MTAP: variants seen among roughly 807,000 people sequenced by gnomAD.
MTAP encodes S-methyl-5'-thioadenosine phosphorylase.
In MTAP, 33 loss-of-function variants were observed where a neutral mutation model predicts 33.6. The observed-to-expected ratio is 0.98, with a 90% confidence interval of 0.74 to 1.31. The LOEUF is 1.31. MTAP is among the 40% of genes most tolerant of loss of function. The probability of loss-of-function intolerance (pLI) is 0.00; values close to 1 mark genes in which losing one functional copy is unlikely to be tolerated. For synonymous variants in MTAP, 148 were observed against 125.7 expected, an observed-to-expected ratio of 1.18 and a Z score of -1.19; for missense variants, 367 against 360.0, an observed-to-expected ratio of 1.02 and a Z score of -0.16.
chr9:21,876,277 C>G (rs986992546), intron 1 of MTAP, among the ~76,000 whole-genome samples: 1 of 151,890 alleles, frequency 6.6e-6, no homozygotes, highest in Admixed American at 6.6e-5. Flanking sequence ...AGATGTTTGT[C>G]AAATGCATAG....
At chr9:21,931,092 T>G (rs1268627930) in exon 2 of MTAP, 1 of 764,050 alleles carries the variant, frequency 1.3e-6, no homozygotes, top group Non-Finnish European at 2.4e-6. Flanking sequence ...ACTCCTAGAC[T>G]TCCCATCAGT....
intron 5 of MTAP, among the ~76,000 whole-genome samples, chr9:21,852,090 G>A (rs1013476621): frequency 2.0e-5 from 3 of 152,216 alleles, no homozygotes; most frequent in African/African-American, 7.2e-5. Context: ...GATGGCATTT[G>A]CAGCAACCTG....
intron 6 of MTAP, among the ~76,000 whole-genome samples, chr9:21,856,432 G>T (rs991402726): frequency 1.3e-5 from 2 of 152,148 alleles, no homozygotes; most frequent in African/African-American, 4.8e-5. Flanking sequence ...ATTACATTAA[G>T]TCACAACATA....
At chr9:21,875,210 G>C (rs139114397) in intron 1 of MTAP, among the ~76,000 whole-genome samples, 4,295 of 152,182 alleles carry the variant, frequency 0.028, 83 homozygotes, top group Non-Finnish European at 0.042. Flanking sequence ...GGATTGCTGG[G>C]TCAAATGGTA....
chr9:21,866,830 A>G lies in MTAP; in HGVS notation c.*4816A>G, dbSNP rs954549957. The G allele has an allele frequency of 3.9e-5, 6 of 152,108 alleles. No homozygotes were observed. The highest frequency in any genetic ancestry group is 1.9e-4 in the East Asian group (1 of 5,196). The allele number at this position is 152,108 out of a possible 1,614,324, so 9.4% of individuals were successfully genotyped here. A position where few individuals can be genotyped will look rare whatever the true frequency, so the allele number is the denominator to read the frequency against. ...AGAATTGACAATATTGAACCTTTCAATCGATGGACATGGTATGTTTCTGCA... is the reference window on the plus strand; with the variant it reads ...AGAATTGACAATATTGAACCTTTCAGTCGATGGACATGGTATGTTTCTGCA... On this transcript the variant is annotated 3_prime_UTR_variant, in exon 8 of 8. Transcript: ENST00000644715.
At chr9:21,921,560 A>G (rs1280019006) in intron 1 of MTAP, among the ~76,000 whole-genome samples, 2 of 152,210 alleles carry the variant, frequency 1.3e-5, no homozygotes. Flanking sequence ...AAAACTGTTC[A>G]TTTATGAAGT....
intron 1 of MTAP, among the ~76,000 whole-genome samples, chr9:21,815,085 A>G (rs1021486199): frequency 6.6e-6 from 1 of 152,180 alleles, no homozygotes; most frequent in Non-Finnish European, 1.5e-5. Context: ...ACTTTCCACT[A>G]CCATACTTGC....
intron 1 of MTAP, among the ~76,000 whole-genome samples, chr9:21,809,302 G>C (rs1387169025): frequency 6.6e-6 from 1 of 152,100 alleles, no homozygotes; most frequent in Non-Finnish European, 1.5e-5. Flanking sequence ...TCTTGGGACA[G>C]GGGCATTGTT....
In MTAP at chr9:21,802,761, A is replaced by G. The variant is rs778857741; in HGVS notation, c.13A>G (p.Thr5Ala). Residue 5 changes from threonine (T) to alanine (A), a missense_variant, in exon 1 of 8, where the codon ACC becomes GCC. Thr to Ala is a moderately conservative substitution (Grantham distance 58). Coordinates refer to ENST00000644715, the MANE Select transcript of MTAP (RefSeq NM_002451.4). MASG[T>A]TTTAVKIGII... is the part of the protein sequence containing the mutation. ...TTCCCGTGCAGACATGGCCTCTGGC[A>G]CCACCACCACCGCCGTGAAGGTGAG... The G allele has an allele frequency of 4.3e-6, 7 of 1,612,200 alleles. No homozygotes were observed. In the Admixed American group the frequency reaches 1.2e-4, roughly 27 times the overall value.
chr9:21,929,681 C>G (rs1473669429), intron 1 of MTAP: 1 of 242,948 alleles, frequency 4.1e-6, no homozygotes, highest in Non-Finnish European at 8.6e-6. Context: ...CGTATTTCCT[C>G]TCAACAGGAC....
downstream of MTAP, chr9:21,931,344 A>G (rs1818955220): frequency 3.6e-6 from 2 of 562,342 alleles, no homozygotes; most frequent in Admixed American, 6.2e-5. Context: ...AATTAGGCAG[A>G]CATGAGTAAG....
intron 4 of MTAP, among the ~76,000 whole-genome samples, chr9:21,829,132 C>G (rs1824898890): frequency 6.6e-6 from 1 of 152,166 alleles, no homozygotes; most frequent in Non-Finnish European, 1.5e-5. Context: ...CATCTCCTAC[C>G]TCCACTTGCT....
At position 21,922,920 on chromosome 9, in the gene MTAP, G is replaced by A. The variant is rs192064119; in HGVS notation, c.148-8088G>A. ...TAAAGCCTAACACTGTGCAATGTCT[G>A]CAATTTCCTCTGCTTTTTCAAATAC... On this transcript the variant is annotated intron_variant, in intron 1 of 1. Transcript: ENST00000577563. This position sits in a 1 kb window ranked among gnomAD's most constrained non-coding sequence, Gnocchi z 4.8. 8.1e-4 allele frequency among the ~76,000 whole-genome samples: 124 copies of A among 152,278 alleles called. 1 individual carries two copies. The highest frequency in any genetic ancestry group is 1.8e-4 in the Non-Finnish European group (12 of 68,032).
intron 1 of MTAP, among the ~76,000 whole-genome samples, chr9:21,917,907 C>T (rs1329160163): frequency 1.3e-5 from 2 of 152,064 alleles, no homozygotes; most frequent in Admixed American, 6.5e-5. Flanking sequence ...TACTACTGAG[C>T]TATAAAAAGG....
chr9:21,856,292 G>A, intron 6 of MTAP: 2 of 487,040 alleles, frequency 4.1e-6, no homozygotes, highest in South Asian at 1.7e-4. Flanking sequence ...ACTATCTAAT[G>A]TGTACAGTGT....
intron 1 of MTAP, among the ~76,000 whole-genome samples, chr9:21,888,558 A>G (rs965562460): frequency 6.6e-6 from 1 of 152,140 alleles, no homozygotes; most frequent in Non-Finnish European, 1.5e-5. Flanking sequence ...CTAGTCTTTT[A>G]TCATTATATA....
At chr9:21,827,762 A>G (rs1824859493) in intron 4 of MTAP, among the ~76,000 whole-genome samples, 1 of 152,194 alleles carries the variant, frequency 6.6e-6, no homozygotes, top group African/African-American at 2.4e-5. Flanking sequence ...GAATAGAGAG[A>G]TAGGCTGGAG....
At chr9:21,910,912 C>G (rs1003190879) in intron 1 of MTAP, among the ~76,000 whole-genome samples, 1 of 151,968 alleles carries the variant, frequency 6.6e-6, no homozygotes, top group African/African-American at 2.4e-5. Flanking sequence ...TATTTTGAGG[C>G]TCAAAGTAAA....
At chr9:21,827,637 A>G (rs1208808879) in intron 4 of MTAP, among the ~76,000 whole-genome samples, 1 of 152,198 alleles carries the variant, frequency 6.6e-6, no homozygotes, top group Non-Finnish European at 1.5e-5. Context: ...CCTCTAAGCC[A>G]TGTGAGATCA....
Sources: gnomAD v4.1 joint callset for allele counts (sites outside exome capture counted in the v4.1 genomes callset) on GRCh38, gnomAD v4.1.1 for gene constraint, Gnocchi (gnomAD v3.1) non-coding constraint, MANE v1.5 for transcripts, NCBI Gene and HGNC (gene_info 2026-07-23, HGNC 2026-07-21) for gene names.